UBE2R2: variants seen among roughly 807,000 people sequenced by gnomAD.
UBE2R2 encodes ubiquitin conjugating enzyme E2 R2, also known as ubiquitin-conjugating enzyme E2 R2.
UBE2R2 carries 1 observed loss-of-function variant against 27.8 expected under a neutral mutation model. That is an observed-to-expected ratio of 0.04 (90% CI 0.01 to 0.17). UBE2R2 has a LOEUF of 0.17. Ranked by LOEUF, UBE2R2 falls within the 10% of genes least tolerant of loss-of-function variation. The probability of loss-of-function intolerance (pLI) is 1.00; values close to 1 mark genes in which losing one functional copy is unlikely to be tolerated. For synonymous variants in UBE2R2, 106 were observed against 113.3 expected (o/e 0.94, Z 0.41); for missense variants, 100 against 291.0 (o/e 0.34, Z 4.78).
intron 1 of UBE2R2, among the ~76,000 whole-genome samples, chr9:33,873,049 C>T (rs1821521345): frequency 6.6e-6 from 1 of 151,668 alleles, no homozygotes; most frequent in Non-Finnish European, 1.5e-5. Context: ...GTGGCAGGCA[C>T]CTGTAATCCC....
chr9:33,887,815 T>G (rs1436089870), intron 2 of UBE2R2, among the ~76,000 whole-genome samples: 1 of 152,190 alleles, frequency 6.6e-6, no homozygotes, highest in African/African-American at 2.4e-5. Context: ...TAGCTGGGAT[T>G]ACAGGCATGC....
intron 1 of UBE2R2, among the ~76,000 whole-genome samples, chr9:33,857,802 G>A (rs1354420806): frequency 6.6e-6 from 1 of 152,164 alleles, no homozygotes; most frequent in African/African-American, 2.4e-5. Context: ...ACAGATTGTT[G>A]AACGGCATGT....
At position 33,917,277 on chromosome 9, in the gene UBE2R2, G is replaced by A; in HGVS notation, c.*40G>A. The stretch of plus-strand genomic sequence containing the variant: ...GCCCCTGTACTGCCCTGCCATCTCA[G>A]GCCAAAGGGAGGGGAGCAAGTGGGG... On this transcript the variant is annotated 3_prime_UTR_variant, in exon 5 of 5. Coordinates refer to ENST00000263228, the MANE Select transcript of UBE2R2 (RefSeq NM_017811.4). 1 of 1,608,334 alleles carries A rather than the reference G, an allele frequency of 6.2e-7. No individual in the cohort carries two copies. Among genetic ancestry groups the A allele is most frequent in the East Asian group, 2.2e-5 (1 of 44,836 alleles).
chr9:33,832,978 T>C (rs529414492), intron 1 of UBE2R2, among the ~76,000 whole-genome samples: 3 of 152,302 alleles, frequency 2.0e-5, no homozygotes, highest in African/African-American at 7.2e-5. Context: ...TCTTAAAATA[T>C]GAGGAAAATG....
intron 2 of UBE2R2, among the ~76,000 whole-genome samples, chr9:33,888,925 G>A (rs1821922185): frequency 6.6e-6 from 1 of 152,146 alleles, no homozygotes; most frequent in Non-Finnish European, 1.5e-5. Context: ...ATTTTCCACA[G>A]TCTGTTTCTT....
At chr9:33,869,689 A>T (rs999386554) in intron 1 of UBE2R2, among the ~76,000 whole-genome samples, 4 of 151,998 alleles carry the variant, frequency 2.6e-5, no homozygotes, top group African/African-American at 9.7e-5. Flanking sequence ...ACCTCAGGTG[A>T]TCTGCCCACC....
At chr9:33,832,323 A>C (rs1224407101) in intron 1 of UBE2R2, among the ~76,000 whole-genome samples, 1 of 148,790 alleles carries the variant, frequency 6.7e-6, no homozygotes, top group Non-Finnish European at 1.5e-5. Flanking sequence ...AAAAAAAGAA[A>C]AGAAAAGAAA....
chr9:33,875,742 A>T (rs541962527), intron 1 of UBE2R2, among the ~76,000 whole-genome samples: 1 of 152,212 alleles, frequency 6.6e-6, no homozygotes, highest in Non-Finnish European at 1.5e-5. Flanking sequence ...AGCAAAGACA[A>T]TGCTTAGAAT....
At chr9:33,831,722 C>T (rs957600504) in intron 1 of UBE2R2, among the ~76,000 whole-genome samples, 10 of 152,088 alleles carry the variant, frequency 6.6e-5, no homozygotes, top group African/African-American at 2.2e-4. Flanking sequence ...TGCAGAGGCG[C>T]GGTCTTGGCT....
chr9:33,898,467 AATTTT>A (rs139036126), intron 2 of UBE2R2, among the ~76,000 whole-genome samples: 11,931 of 151,986 alleles, frequency 0.079, 668 homozygotes, highest in Non-Finnish European at 0.12. Flanking sequence ...ATTTTGTATT[AATTTT>A]ATTTTAAAAA....
intron 1 of UBE2R2, among the ~76,000 whole-genome samples, chr9:33,845,614 G>A (rs1178386032): frequency 6.6e-6 from 1 of 152,030 alleles, no homozygotes; most frequent in African/African-American, 2.4e-5. Flanking sequence ...ATTAGTAAGT[G>A]GTTCTTGATA....
rs374482958 is a variant in UBE2R2, at chr9:33,859,950, G to A, written c.178-26931G>A. Among the ~76,000 whole-genome samples, 122 of 152,080 alleles carry A rather than the reference G, an allele frequency of 8.0e-4. 2 individuals are homozygous for A. The East Asian group carries it at 0.015, about 18-fold the overall frequency. The stretch of plus-strand genomic sequence containing the variant: ...CCTTCCCAAGTAGCTGAGACCACAG[G>A]CATGAACCACCATGTCCAGCTAATT... On this transcript the variant is annotated intron_variant, in intron 1 of 4. Transcript: ENST00000263228.
intron 1 of UBE2R2, among the ~76,000 whole-genome samples, chr9:33,828,447 T>G (rs1283615844): frequency 6.6e-6 from 1 of 150,492 alleles, no homozygotes; most frequent in East Asian, 2.0e-4. Context: ...TGGAGTGCAG[T>G]GGAGTGATCT....
intron 1 of UBE2R2, among the ~76,000 whole-genome samples, chr9:33,830,394 T>C (rs1442520006): frequency 6.7e-6 from 1 of 148,918 alleles, no homozygotes; most frequent in Non-Finnish European, 1.5e-5. Context: ...TGACCTCATG[T>C]GATCTGCCCG....
intron 2 of UBE2R2, among the ~76,000 whole-genome samples, chr9:33,895,118 G>T (rs1822072001): frequency 6.6e-6 from 1 of 152,066 alleles, no homozygotes; most frequent in Admixed American, 6.5e-5. Context: ...CATTCTATAG[G>T]TTGCCTTTTC....
chr9:33,841,329 C>G (rs1820728844), intron 1 of UBE2R2, among the ~76,000 whole-genome samples: 1 of 152,144 alleles, frequency 6.6e-6, no homozygotes, highest in South Asian at 2.1e-4. Flanking sequence ...TTCCACCTGC[C>G]TCGGCCTCCC....
chr9:33,843,705 C>T (rs1820780647), intron 1 of UBE2R2, among the ~76,000 whole-genome samples: 1 of 152,172 alleles, frequency 6.6e-6, no homozygotes, highest in Admixed American at 6.6e-5. Context: ...TCTTGAACTC[C>T]TGACCTCAAA....
At chr9:33,909,372 T>G (rs981929160) in intron 3 of UBE2R2, among the ~76,000 whole-genome samples, 1 of 151,978 alleles carries the variant, frequency 6.6e-6, no homozygotes, top group African/African-American at 2.4e-5. Context: ...CCTGTAATCC[T>G]AGCTACTTGG....
At chr9:33,830,658 C>T (rs1820450539) in intron 1 of UBE2R2, among the ~76,000 whole-genome samples, 1 of 151,414 alleles carries the variant, frequency 6.6e-6, no homozygotes, top group African/African-American at 2.4e-5. Context: ...ATCCCAGCCA[C>T]TTGGGAGGCT....
Sources: gnomAD v4.1 joint callset for allele counts (sites outside exome capture counted in the v4.1 genomes callset) on GRCh38, gnomAD v4.1.1 for gene constraint, MANE v1.5 for transcripts, NCBI Gene and HGNC (gene_info 2026-07-23, HGNC 2026-07-21) for gene names.